The following ST6GALNAC5 variants were observed in gnomAD, a reference collection of about 807,000 sequenced individuals.
The protein encoded by ST6GALNAC5 is alpha-N-acetylgalactosaminide alpha-2,6-sialyltransferase 5.
A neutral mutation model predicts 33.6 loss-of-function variants in ST6GALNAC5; 27 were observed. The observed-to-expected ratio is 0.80, with a 90% CI of 0.59 to 1.11. The LOEUF (loss-of-function observed/expected upper bound fraction) is 1.11. Among genes scored for constraint, ST6GALNAC5 ranks in the 50% least tolerant of loss-of-function variants. ST6GALNAC5 has a pLI of 0.00. For synonymous variants in ST6GALNAC5, 194 were observed against 171.2 expected (o/e 1.13, Z -1.04); for missense variants, 428 against 454.0 (o/e 0.94, Z 0.52).
intron 4 of ST6GALNAC5, among the ~76,000 whole-genome samples, chr1:77,057,807 T>C (rs969836127): frequency 4.6e-5 from 7 of 152,318 alleles, no homozygotes; most frequent in Non-Finnish European, 8.8e-5. Context: ...CTAAACCTCG[T>C]CAGTACCCAG....
At chr1:76,903,278 G>A (rs553898703) in intron 2 of ST6GALNAC5, among the ~76,000 whole-genome samples, 6 of 152,112 alleles carry the variant, frequency 3.9e-5, no homozygotes, top group Non-Finnish European at 5.9e-5. Context: ...CAAAGCACAC[G>A]GAAAGATTCT....
chr1:77,020,246 G>A (rs929127480), intron 2 of ST6GALNAC5, among the ~76,000 whole-genome samples: 8 of 152,148 alleles, frequency 5.3e-5, no homozygotes, highest in East Asian at 1.9e-4. Context: ...TTTAAGTGCC[G>A]AGAATGTGGT....
rs567207875 is a variant in ST6GALNAC5, at chr1:77,065,039, T to C, written c.*1833T>C. 2.0e-5 allele frequency: 3 copies of C among 152,208 alleles called. No homozygotes were observed. Among genetic ancestry groups the C allele is most frequent in the Non-Finnish European group, 4.4e-5 (3 of 68,034 alleles). The allele number at this position is 152,208 out of a possible 1,614,324, so 9.4% of individuals were successfully genotyped here. A position where few individuals can be genotyped will look rare whatever the true frequency, so the allele number is the denominator to read the frequency against. ...TGGCCGTCCAAAACATACTGGAATA[T>C]GTTCTTTAAGTTTTCTCATAGTTTT... On this transcript the variant is annotated 3_prime_UTR_variant, in exon 5 of 5. Transcript: ENST00000477717.
At chr1:76,937,366 G>A (rs1647220496) in intron 2 of ST6GALNAC5, among the ~76,000 whole-genome samples, 1 of 151,996 alleles carries the variant, frequency 6.6e-6, no homozygotes, top group Non-Finnish European at 1.5e-5. Context: ...AAAACTCATA[G>A]ATGTGTAAGC....
chr1:76,989,700 A>T (rs971028408), intron 2 of ST6GALNAC5, among the ~76,000 whole-genome samples: 1 of 149,814 alleles, frequency 6.7e-6, no homozygotes, highest in Non-Finnish European at 1.5e-5. Flanking sequence ...CACAGTCTCC[A>T]CAAAGGTAGA....
chr1:77,001,410 T>G lies in ST6GALNAC5; in HGVS notation c.262-42794T>G, dbSNP rs1423144251. ...ATTTTGGGCTGAGACAATGGGGTTT[T>G]CTAGATATACAATCATGTCGTCTGC... is the stretch of plus-strand genomic sequence containing the variant. On this transcript the variant is annotated intron_variant, in intron 2 of 4. Coordinates refer to ENST00000477717, the MANE Select transcript of ST6GALNAC5 (RefSeq NM_030965.3). 4.9e-4 allele frequency among the ~76,000 whole-genome samples: 61 copies of G among 125,336 alleles called. No homozygotes were observed. The East Asian group carries it at 0.011, about 23-fold the overall frequency. 82.2% of individuals were successfully genotyped at this position (125,336 alleles called of 152,430 possible).
Position 76,867,480 on chromosome 1 carries a change from AGTT to A in ST6GALNAC5, c.-195_-193del. ...CTGAGAGACTACGAGGGTCCGGTTC[AGTT>A]TTAATTCTGTCTCTAATCTCTGCAA... is the stretch of plus-strand genomic sequence containing the variant. On this transcript the variant is annotated 5_prime_UTR_variant, in exon 1 of 5. Coordinates refer to ENST00000477717, the MANE Select transcript of ST6GALNAC5 (RefSeq NM_030965.3). The A allele has an allele frequency of 1.3e-6, 1 of 765,358 alleles. No individual in the cohort carries two copies. Among genetic ancestry groups the A allele is most frequent in the Non-Finnish European group, 2.2e-6 (1 of 450,034 alleles). The allele number at this position is 765,358 out of a possible 1,614,324, so 47.4% of individuals were successfully genotyped here.
Position 77,062,958 on chromosome 1 carries a change from T to C in ST6GALNAC5, c.780-17T>C, listed in dbSNP as rs1176025531. The C allele has an allele frequency of 3.1e-6, 5 of 1,603,104 alleles. No homozygotes were observed. The Admixed American group carries it at 6.7e-5, about 22-fold the overall frequency. On this transcript the variant is annotated splice_polypyrimidine_tract_variant and intron_variant, in intron 4 of 4. Transcript: ENST00000477717. ...AATTTTTTTGCTTTAATCAGTTATC[T>C]CAATTTCCTCCTACAGGGATCCCAA...
intron 2 of ST6GALNAC5, among the ~76,000 whole-genome samples, chr1:76,910,397 A>G (rs1646899324): frequency 6.6e-6 from 1 of 152,100 alleles, no homozygotes; most frequent in South Asian, 2.1e-4. Context: ...GAAAAAAATA[A>G]AAGCGAAGTA....
intron 2 of ST6GALNAC5, among the ~76,000 whole-genome samples, chr1:76,929,993 A>G (rs1011334026): frequency 2.0e-5 from 3 of 152,056 alleles, no homozygotes; most frequent in African/African-American, 7.2e-5. Context: ...TTGTTTTCAT[A>G]TTTTTGTGGG....
At chr1:77,042,285 C>G (rs1651855472) in intron 2 of ST6GALNAC5, among the ~76,000 whole-genome samples, 1 of 152,198 alleles carries the variant, frequency 6.6e-6, no homozygotes, top group African/African-American at 2.4e-5. Flanking sequence ...TTGCTGTGCT[C>G]TCCACAGCCC....
intron 3 of ST6GALNAC5, among the ~76,000 whole-genome samples, chr1:77,047,165 G>C (rs1006409125): frequency 1.6e-4 from 24 of 152,158 alleles, no homozygotes; most frequent in Middle Eastern, 3.2e-3. Context: ...TGAATGTGGA[G>C]GATGCCAGAG....
intron 2 of ST6GALNAC5, among the ~76,000 whole-genome samples, chr1:77,004,390 C>A (rs1420471423): frequency 6.8e-6 from 1 of 146,012 alleles, no homozygotes; most frequent in Non-Finnish European, 1.5e-5. Flanking sequence ...GTTATACATT[C>A]TTCTAAATTT....
chr1:77,036,893 C>A (rs911131392), intron 2 of ST6GALNAC5, among the ~76,000 whole-genome samples: 2 of 152,116 alleles, frequency 1.3e-5, no homozygotes, highest in Non-Finnish European at 2.9e-5. Context: ...TAAACAAAAA[C>A]CTGGATGATG....
chr1:76,982,080 T>C (rs1177166232), intron 2 of ST6GALNAC5, among the ~76,000 whole-genome samples: 1 of 152,058 alleles, frequency 6.6e-6, no homozygotes, highest in Non-Finnish European at 1.5e-5. Flanking sequence ...AAGCTGAAAA[T>C]TCTGAAAATC....
chr1:76,963,949 GA>G (rs1484422075), intron 2 of ST6GALNAC5, among the ~76,000 whole-genome samples: 1 of 152,112 alleles, frequency 6.6e-6, no homozygotes, highest in East Asian at 1.9e-4. Flanking sequence ...GTGCCCCCAG[GA>G]GAATGGTAAG....
rs181319125 is a variant in ST6GALNAC5, at chr1:76,910,721, A to G, written c.261+41979A>G. 1.0e-3 allele frequency among the ~76,000 whole-genome samples: 156 copies of G among 152,244 alleles called. 1 individual carries two copies. The highest frequency in any genetic ancestry group is 3.7e-3 in the African/African-American group (155 of 41,568). ...TGTGAATAAGATGCATATTATCAAT[A>G]TTAACGTCTGCATCCATACAGTTGG... is the stretch of plus-strand genomic sequence containing the variant. On this transcript the variant is annotated intron_variant, in intron 2 of 4. Transcript: ENST00000477717.
intron 2 of ST6GALNAC5, among the ~76,000 whole-genome samples, chr1:77,035,518 C>T (rs1456543802): frequency 1.3e-5 from 2 of 152,042 alleles, no homozygotes; most frequent in African/African-American, 2.4e-5. Context: ...CTAGTGGGGC[C>T]TCCACATACA....
chr1:76,998,199 G>A (rs1182089470), intron 2 of ST6GALNAC5, among the ~76,000 whole-genome samples: 1 of 152,008 alleles, frequency 6.6e-6, no homozygotes, highest in Non-Finnish European at 1.5e-5. Context: ...TTGGTACCAG[G>A]AGTAGTGGAT....
Sources: allele counts gnomAD v4.1 joint callset (sites outside exome capture counted in the v4.1 genomes callset), GRCh38; gene constraint gnomAD v4.1.1; transcripts MANE v1.5; gene names NCBI Gene and HGNC (gene_info 2026-07-23, HGNC 2026-07-21).